DPP6: variants seen among roughly 807,000 people sequenced by gnomAD.
DPP6 encodes A-type potassium channel modulatory protein DPP6.
DPP6 carries 69 observed loss-of-function variants against 122.6 expected under a neutral mutation model. The ratio of observed to expected loss-of-function variants is 0.56; its 90% CI spans 0.46 to 0.69. The LOEUF is 0.69. DPP6 is among the 30% of genes least tolerant of loss of function. The pLI is 0.00. For missense variants in DPP6, 928 were observed against 1,116.9 expected, an observed-to-expected ratio of 0.83 and a Z score of 2.41; for synonymous variants, 418 against 433.1, an observed-to-expected ratio of 0.97 and a Z score of 0.43.
Position 154,241,215 on chromosome 7 carries a change from GTGTGTA to G in DPP6, c.243+188154_243+188159del, listed in dbSNP as rs1240089923. Among the ~76,000 whole-genome samples the G allele has an allele frequency of 4.4e-3, 653 of 148,442 alleles. 5 individuals are homozygous for G. The highest frequency in any genetic ancestry group is 0.016 in the African/African-American group (607 of 38,222). ...TGTGTGTGTGTGTGTGTGTGTGTGTGTGTGTATATATATATAGAGAGAGAGAGAGAC... is the reference window on the plus strand; with the variant it reads ...TGTGTGTGTGTGTGTGTGTGTGTGTGTATATATATAGAGAGAGAGAGAGAC... On this transcript the variant is annotated intron_variant, in intron 1 of 25. Transcript: ENST00000377770. This position sits in a 1 kb window ranked among gnomAD's most constrained non-coding sequence, Gnocchi z 9.0.
At chr7:154,406,325 A>C (rs763195323) in intron 1 of DPP6, among the ~76,000 whole-genome samples, 3 of 152,214 alleles carry the variant, frequency 2.0e-5, no homozygotes, top group Non-Finnish European at 4.4e-5. Flanking sequence ...TTGTGGACCA[A>C]TGTTTTCTTA....
Position 154,126,617 on chromosome 7 carries a change from G to A in DPP6, c.243+73554G>A, listed in dbSNP as rs377619740. On this transcript the variant is annotated intron_variant, in intron 1 of 25. Transcript: ENST00000377770. ...GAGTGTCCATCGAGCATCACGATTC[G>A]AAACCTGAATTTTCAGGGGCTTCTC... Among the ~76,000 whole-genome samples the A allele has an allele frequency of 4.6e-5, 7 of 151,310 alleles. No individual in the cohort carries two copies. In the East Asian group the frequency reaches 9.8e-4, roughly 21 times the overall value.
At chr7:153,964,800 T>A in intron 1 of DPP6, among the ~76,000 whole-genome samples, 1 of 45,026 alleles carries the variant, frequency 2.2e-5, no homozygotes, top group African/African-American at 1.7e-4. Context: ...TCCTTTCCTT[T>A]CCTTTCCTTT....
chr7:154,451,189 C>T (rs1293194781), intron 2 of DPP6, among the ~76,000 whole-genome samples: 3 of 151,900 alleles, frequency 2.0e-5, no homozygotes, highest in African/African-American at 4.8e-5. Context: ...AGTGAAACCC[C>T]ATCTCTACTA....
chr7:154,426,079 A>G (rs1002988825), intron 1 of DPP6, among the ~76,000 whole-genome samples: 7 of 152,086 alleles, frequency 4.6e-5, no homozygotes, highest in African/African-American at 1.7e-4. Flanking sequence ...TTCCTGCTAT[A>G]GAGACTATAG....
At chr7:153,986,815 G>A (rs1409980689) in intron 1 of DPP6, among the ~76,000 whole-genome samples, 1 of 151,788 alleles carries the variant, frequency 6.6e-6, no homozygotes, top group Non-Finnish European at 1.5e-5. Flanking sequence ...GTAAACTCTT[G>A]AAGCAAGAAA....
chr7:154,673,481 C>T (rs3807221), intron 7 of DPP6, among the ~76,000 whole-genome samples: 13,120 of 152,200 alleles, frequency 0.086, 734 homozygotes, highest in East Asian at 0.15. Flanking sequence ...AACATTTCTC[C>T]GGTAGTAATG....
At chr7:154,187,530 A>G (rs1367613732) in intron 1 of DPP6, among the ~76,000 whole-genome samples, 1 of 152,236 alleles carries the variant, frequency 6.6e-6, no homozygotes, top group African/African-American at 2.4e-5. Context: ...CTTTAAATTT[A>G]CAACAGCAAG....
chr7:154,139,875 A>C (rs1585466339), intron 1 of DPP6, among the ~76,000 whole-genome samples: 1 of 152,178 alleles, frequency 6.6e-6, no homozygotes, highest in South Asian at 2.1e-4. Flanking sequence ...TGCAGCTCTC[A>C]CAGCCAGTCT....
At position 154,594,766 on chromosome 7, in the gene DPP6, T is replaced by C. The variant is rs1271182743; in HGVS notation, c.627+27850T>C. Among the ~76,000 whole-genome samples the C allele has an allele frequency of 4.6e-5, 7 of 152,290 alleles. No individual in the cohort carries two copies. In the South Asian group the frequency reaches 1.5e-3, roughly 32 times the overall value. ...CGATCAAGGACAAGTTTCGGACTAA[T>C]GCATTTGGATGGAATGGCTTCTGTG... On this transcript the variant is annotated intron_variant, in intron 5 of 25. Transcript: ENST00000377770.
chr7:154,095,278 A>G (rs1264349843), intron 1 of DPP6: 2 of 143,856 alleles, frequency 1.4e-5, no homozygotes, highest in African/African-American at 4.9e-5. Context: ...TCACACCTGT[A>G]AGCATGTCGT....
chr7:154,769,778 C>A (rs777301585), intron 9 of DPP6, among the ~76,000 whole-genome samples: 2 of 152,118 alleles, frequency 1.3e-5, no homozygotes, highest in African/African-American at 4.8e-5. Context: ...TTTAGGTAAC[C>A]GAACTAATGT....
chr7:154,306,272 G>A (rs1271258312), intron 1 of DPP6, among the ~76,000 whole-genome samples: 2 of 152,206 alleles, frequency 1.3e-5, no homozygotes, highest in Non-Finnish European at 2.9e-5. Context: ...CCCAAGGGGT[G>A]AGGGAGGAAA....
At chr7:154,286,736 T>C (rs1804874308) in intron 1 of DPP6, among the ~76,000 whole-genome samples, 1 of 151,778 alleles carries the variant, frequency 6.6e-6, no homozygotes, top group Admixed American at 6.6e-5. Flanking sequence ...CCCCTCACTC[T>C]TCCTGGCCTC....
chr7:154,537,271 A>G (rs190410587), intron 3 of DPP6, among the ~76,000 whole-genome samples: 35 of 152,298 alleles, frequency 2.3e-4, no homozygotes, highest in East Asian at 5.8e-4. Flanking sequence ...ATAAAATAAG[A>G]CAAGAATAGT....
At chr7:153,774,503 CA>C in the DPP6 span, among the ~76,000 whole-genome samples, 1 of 152,118 alleles carries the variant, frequency 6.6e-6, no homozygotes, top group Non-Finnish European at 1.5e-5. Context: ...TATTCAAGGA[CA>C]AAAGGTTAAC....
At chr7:154,218,648 G>T (rs1800137545) in intron 1 of DPP6, among the ~76,000 whole-genome samples, 1 of 152,188 alleles carries the variant, frequency 6.6e-6, no homozygotes, top group African/African-American at 2.4e-5. Context: ...CTAAGACATG[G>T]TAGGAGATGA....
At chr7:154,374,136 T>C (rs1365721092) in intron 1 of DPP6, among the ~76,000 whole-genome samples, 1 of 152,148 alleles carries the variant, frequency 6.6e-6, no homozygotes, top group African/African-American at 2.4e-5. Context: ...TGAGAGCACA[T>C]GAAGAAACCA....
chr7:154,439,188 G>A (rs963169887), intron 1 of DPP6, among the ~76,000 whole-genome samples: 13 of 152,264 alleles, frequency 8.5e-5, no homozygotes, highest in East Asian at 7.7e-4. Context: ...TGTGTTGAGC[G>A]TGCCAAAAAT....
Sources: allele counts gnomAD v4.1 joint callset (sites outside exome capture counted in the v4.1 genomes callset), GRCh38; gene constraint gnomAD v4.1.1; non-coding constraint Gnocchi (gnomAD v3.1); transcripts MANE v1.5; gene names NCBI Gene and HGNC (gene_info 2026-07-23, HGNC 2026-07-21).